The following ADAMTSL1 variants were observed in gnomAD, a reference collection of about 807,000 sequenced individuals.
The protein encoded by ADAMTSL1 is ADAMTS-like protein 1.
Under a neutral mutation model 201.8 loss-of-function variants are expected in ADAMTSL1, and 126 were observed. The ratio of observed to expected loss-of-function variants is 0.62; its 90% CI spans 0.54 to 0.72. The LOEUF is 0.72. Ranked by LOEUF, ADAMTSL1 falls within the 30% of genes least tolerant of loss-of-function variation. The pLI is 0.00. For missense variants in ADAMTSL1, 2,679 were observed against 2,277.8 expected, an observed-to-expected ratio of 1.18 and a Z score of -3.59; for synonymous variants, 1,121 against 903.4, an observed-to-expected ratio of 1.24 and a Z score of -4.32.
At chr9:18,626,871 CTTT>C (rs1826405088) in intron 5 of ADAMTSL1, among the ~76,000 whole-genome samples, 2 of 98,476 alleles carry the variant, frequency 2.0e-5, no homozygotes, top group South Asian at 2.8e-4. Flanking sequence ...TTCTTTCTGT[CTTT>C]CTTCCTTCCT....
intron 1 of ADAMTSL1, among the ~76,000 whole-genome samples, chr9:18,082,498 G>C (rs1193441085): frequency 6.6e-6 from 1 of 152,128 alleles, no homozygotes; most frequent in Non-Finnish European, 1.5e-5. Context: ...TTTTAGTAAA[G>C]ACAGGGTTTC....
chr9:18,812,140 A>G (rs527338925), intron 20 of ADAMTSL1, among the ~76,000 whole-genome samples: 25 of 152,358 alleles, frequency 1.6e-4, no homozygotes, highest in African/African-American at 5.5e-4. Context: ...AGAATAGCAA[A>G]GAGGCAGGAG....
intron 2 of ADAMTSL1, among the ~76,000 whole-genome samples, chr9:18,368,541 G>C (rs1443045976): frequency 6.6e-6 from 1 of 152,218 alleles, no homozygotes; most frequent in Non-Finnish European, 1.5e-5. Flanking sequence ...AAGAGGGCAA[G>C]TGATTTGCCC....
chr9:18,019,082 A>G (rs1820377621), intron 1 of ADAMTSL1, among the ~76,000 whole-genome samples: 1 of 152,052 alleles, frequency 6.6e-6, no homozygotes, highest in African/African-American at 2.4e-5. Context: ...ATGTTTTCGA[A>G]AAACTGGAGG....
At chr9:18,093,657 A>G (rs1474288505) in intron 1 of ADAMTSL1, among the ~76,000 whole-genome samples, 1 of 152,210 alleles carries the variant, frequency 6.6e-6, no homozygotes, top group Non-Finnish European at 1.5e-5. Flanking sequence ...AAAATCTAGT[A>G]AAATTCTTTA....
rs1438259853 is a variant in ADAMTSL1 at position 18,717,229 on chromosome 9, GTAT to G, written c.1877-4306_1877-4304del. Among the ~76,000 whole-genome samples, 72 of 49,224 alleles carry G rather than the reference GTAT, an allele frequency of 1.5e-3. 1 individual carries two copies. The highest frequency in any genetic ancestry group is 3.2e-3 in the African/African-American group (67 of 20,880). The allele number at this position is 49,224 out of a possible 152,430, so 32.3% of individuals were successfully genotyped here. On this transcript the variant is annotated intron_variant, in intron 14 of 28. Coordinates refer to ENST00000380548, the MANE Select transcript of ADAMTSL1 (RefSeq NM_001040272.6). ...GTGCACATGTACCCTAAAACTTAAA[GTAT>G]AATAATAATAATAATAATAATAAAT... is the stretch of plus-strand genomic sequence containing the variant.
intron 5 of ADAMTSL1, among the ~76,000 whole-genome samples, chr9:18,631,303 T>C (rs1296590751): frequency 6.6e-6 from 1 of 152,198 alleles, no homozygotes; most frequent in Non-Finnish European, 1.5e-5. Flanking sequence ...ATATATCTTC[T>C]ATTGTGCAAT....
chr9:18,096,914 A>G (rs149654078), intron 1 of ADAMTSL1, among the ~76,000 whole-genome samples: 221 of 152,316 alleles, frequency 1.5e-3, no homozygotes, highest in African/African-American at 5.1e-3. Flanking sequence ...TTCTCTTAGT[A>G]TGCTTTTAAA....
intron 1 of ADAMTSL1, among the ~76,000 whole-genome samples, chr9:18,147,230 G>A (rs1333811329): frequency 2.6e-5 from 4 of 152,066 alleles, no homozygotes; most frequent in African/African-American, 9.7e-5. Context: ...TTTGATTCTA[G>A]CTATAGAAAA....
chr9:17,985,191 A>G (rs1818875414), intron 1 of ADAMTSL1, among the ~76,000 whole-genome samples: 1 of 152,122 alleles, frequency 6.6e-6, no homozygotes, highest in Non-Finnish European at 1.5e-5. Flanking sequence ...TGGATGGTTA[A>G]TAAAAAAGTT....
chr9:18,820,113 A>T (rs1056444691), intron 21 of ADAMTSL1, among the ~76,000 whole-genome samples: 1 of 152,186 alleles, frequency 6.6e-6, no homozygotes, highest in Non-Finnish European at 1.5e-5. Context: ...TGCAACCCAG[A>T]TTCTCGTAAT....
At chr9:18,646,374 C>A (rs1397182046) in intron 7 of ADAMTSL1, among the ~76,000 whole-genome samples, 1 of 151,876 alleles carries the variant, frequency 6.6e-6, no homozygotes, top group African/African-American at 2.4e-5. Flanking sequence ...AATTGAATAC[C>A]CTTTATTTCC....
At chr9:18,288,173 A>G (rs566558479) in intron 2 of ADAMTSL1, among the ~76,000 whole-genome samples, 22 of 152,264 alleles carry the variant, frequency 1.4e-4, no homozygotes, top group African/African-American at 5.1e-4. Context: ...TCAGTCGACA[A>G]TCTTGGAAGC....
intron 1 of ADAMTSL1, among the ~76,000 whole-genome samples, chr9:18,029,863 G>T (rs568510398): frequency 1.3e-5 from 2 of 152,282 alleles, no homozygotes; most frequent in African/African-American, 2.4e-5. Context: ...TCTCACACCA[G>T]TTAGAATGGT....
At chr9:18,697,032 G>A (rs528333729) in intron 13 of ADAMTSL1, among the ~76,000 whole-genome samples, 109 of 151,294 alleles carry the variant, frequency 7.2e-4, no homozygotes, top group African/African-American at 2.4e-3. Context: ...GGTGTGTGCC[G>A]CCACACCCAG....
chr9:18,324,414 T>C (rs1834745539), intron 2 of ADAMTSL1, among the ~76,000 whole-genome samples: 1 of 150,994 alleles, frequency 6.6e-6, no homozygotes, highest in South Asian at 2.1e-4. Flanking sequence ...CGCAAAGATT[T>C]TTTTTTTTTT....
At position 18,102,631 on chromosome 9, in the gene ADAMTSL1, C is replaced by T. The variant is rs150662177; in HGVS notation, c.88-61231C>T. 4.1e-3 allele frequency among the ~76,000 whole-genome samples: 620 copies of T among 152,226 alleles called. 3 individuals carry two copies. Among genetic ancestry groups the T allele is most frequent in the Middle Eastern group, 0.017 (5 of 294 alleles). ...GGTCATGAAGAAAGAACAGAGTCAACAATCCAACAGGAGGGCTGGTTTGTG... is the reference window on the plus strand; with the variant it reads ...GGTCATGAAGAAAGAACAGAGTCAATAATCCAACAGGAGGGCTGGTTTGTG... On this transcript the variant is annotated intron_variant, in intron 1 of 29. Coordinates refer to the ADAMTSL1 transcript ENST00000680146.
At chr9:18,342,287 A>C (rs958850932) in intron 2 of ADAMTSL1, among the ~76,000 whole-genome samples, 2 of 152,156 alleles carry the variant, frequency 1.3e-5, no homozygotes, top group East Asian at 3.9e-4. Context: ...AATTGTTTTA[A>C]AAAATATTTA....
chr9:18,574,749 C>A (rs528278245), intron 4 of ADAMTSL1, among the ~76,000 whole-genome samples: 1 of 152,080 alleles, frequency 6.6e-6, no homozygotes, highest in Non-Finnish European at 1.5e-5. Context: ...AATTCAGACA[C>A]ACTGTAGAGA....
Sources: allele counts gnomAD v4.1 joint callset (sites outside exome capture counted in the v4.1 genomes callset), GRCh38; gene constraint gnomAD v4.1.1; transcripts MANE v1.5; gene names NCBI Gene and HGNC (gene_info 2026-07-23, HGNC 2026-07-21).